SORBS2: variants seen among roughly 807,000 people sequenced by gnomAD.
SORBS2 encodes the protein sorbin and SH3 domain containing 2, also known as sorbin and SH3 domain-containing protein 2.
In SORBS2, 46 loss-of-function variants were observed where a neutral mutation model predicts 97.7. That is an observed-to-expected ratio of 0.47 (90% CI 0.37 to 0.60). The LOEUF (loss-of-function observed/expected upper bound fraction) is 0.60. Ranked by LOEUF, SORBS2 falls within the 20% of genes least tolerant of loss-of-function variation. The pLI is 0.00. For missense variants in SORBS2, 1,316 were observed against 1,282.3 expected, an observed-to-expected ratio of 1.03 and a Z score of -0.40; for synonymous variants, 476 against 473.4, an observed-to-expected ratio of 1.01 and a Z score of -0.07.
At chr4:185,688,980 A>G (rs1268391410) in intron 2 of SORBS2, among the ~76,000 whole-genome samples, 1 of 152,168 alleles carries the variant, frequency 6.6e-6, no homozygotes, top group East Asian at 1.9e-4. Context: ...TAGAAATGAG[A>G]AGATGCTTTA....
At chr4:185,879,112 G>T (rs1048059457) in intron 1 of SORBS2, among the ~76,000 whole-genome samples, 1 of 148,068 alleles carries the variant, frequency 6.8e-6, no homozygotes, top group Non-Finnish European at 1.5e-5. Context: ...ATGTTGGTGT[G>T]CTGCACCCAT....
intron 1 of SORBS2, among the ~76,000 whole-genome samples, chr4:185,936,102 G>T (rs1256897766): frequency 6.6e-6 from 1 of 152,192 alleles, no homozygotes; most frequent in African/African-American, 2.4e-5. Flanking sequence ...CAAGTGATTA[G>T]CCCGACTCGG....
chr4:185,745,570 T>A (rs933050966), intron 2 of SORBS2, among the ~76,000 whole-genome samples: 4 of 152,170 alleles, frequency 2.6e-5, no homozygotes, highest in African/African-American at 7.2e-5. Context: ...TGGCGACCTA[T>A]TACAAATTTC....
exon 15 of SORBS2, chr4:185,585,918 G>T (rs1207322957): frequency 6.6e-6 from 1 of 152,172 alleles, no homozygotes; most frequent in Admixed American, 6.5e-5. Flanking sequence ...TGGCTTCTAC[G>T]ATCTTTTAAC....
exon 6 of SORBS2, chr4:185,626,857 A>G (rs1802262): frequency 1.9e-6 from 3 of 1,614,050 alleles, no homozygotes; most frequent in Non-Finnish European, 2.5e-6. Context: ...GGGAAGAAGG[A>G]GAAGAGCTAG....
chr4:185,588,644 C>T (rs1580354060), intron 14 of SORBS2, among the ~76,000 whole-genome samples: 1 of 99,852 alleles, frequency 1.0e-5, no homozygotes, highest in Non-Finnish European at 2.2e-5. Context: ...GATGGAGTTT[C>T]GCTCTTGTCG....
intron 9 of SORBS2, among the ~76,000 whole-genome samples, chr4:185,618,374 C>T (rs985286730): frequency 3.3e-5 from 5 of 152,148 alleles, no homozygotes; most frequent in Admixed American, 6.5e-5. Context: ...TTGTGTTCTA[C>T]CTAACATGTT....
intron 9 of SORBS2, among the ~76,000 whole-genome samples, chr4:185,617,993 G>A (rs60538051): frequency 0.18 from 26,821 of 151,546 alleles, 2,518 homozygotes; most frequent in African/African-American, 0.23. Flanking sequence ...TCTTTTTTTT[G>A]AGACAGGGTC....
chr4:185,868,159 C>CTTTTTTTTTTTTTTTTTTTTTTTTTTTTT (rs112680775), intron 1 of SORBS2, among the ~76,000 whole-genome samples: 6 of 105,222 alleles, frequency 5.7e-5, no homozygotes, highest in African/African-American at 1.2e-4. Context: ...TTTTTTCTTT[C>CTTTTTTTTTTTTTTTTTTTTTTTTTTTTT]TTTTTTTTTT....
At chr4:185,826,940 A>G (rs556933541) in intron 1 of SORBS2, among the ~76,000 whole-genome samples, 113 of 152,254 alleles carry the variant, frequency 7.4e-4, no homozygotes, top group African/African-American at 2.6e-3. Flanking sequence ...CTTGTGAGAT[A>G]AAGGACAATG....
intron 12 of SORBS2, among the ~76,000 whole-genome samples, chr4:185,608,297 C>T (rs1254554716): frequency 1.3e-5 from 2 of 152,134 alleles, no homozygotes; most frequent in Admixed American, 1.3e-4. Context: ...AACTATGTCT[C>T]AAAGACAGGA....
At chr4:185,780,595 C>G (rs1472981183) in intron 1 of SORBS2, among the ~76,000 whole-genome samples, 2 of 152,238 alleles carry the variant, frequency 1.3e-5, no homozygotes, top group African/African-American at 4.8e-5. Context: ...AACTGCCTTA[C>G]TGACTCTTAA....
intron 1 of SORBS2, among the ~76,000 whole-genome samples, chr4:185,929,435 C>CA (rs2099265338): frequency 6.6e-6 from 1 of 152,096 alleles, no homozygotes; most frequent in African/African-American, 2.4e-5. Flanking sequence ...GAGTTTAAAG[C>CA]AGAGTACAAG....
chr4:185,756,593 T>A (rs760788633), intron 2 of SORBS2, among the ~76,000 whole-genome samples: 1 of 152,310 alleles, frequency 6.6e-6, no homozygotes, highest in Non-Finnish European at 1.5e-5. Flanking sequence ...TCTGTACATA[T>A]GCTTACAGGT....
At chr4:185,595,799 A>G (rs936676547) in intron 12 of SORBS2, among the ~76,000 whole-genome samples, 3 of 151,204 alleles carry the variant, frequency 2.0e-5, no homozygotes, top group Non-Finnish European at 4.4e-5. Context: ...CAGCAATGCT[A>G]TACACATTTT....
chr4:185,844,349 G>A (rs1031519068), intron 1 of SORBS2, among the ~76,000 whole-genome samples: 12 of 152,134 alleles, frequency 7.9e-5, no homozygotes, highest in African/African-American at 1.7e-4. Context: ...GCAGACACAC[G>A]AAAAGATGCC....
intron 1 of SORBS2, among the ~76,000 whole-genome samples, chr4:185,867,480 T>G (rs1164490402): frequency 6.6e-6 from 1 of 152,236 alleles, no homozygotes; most frequent in Non-Finnish European, 1.5e-5. Context: ...CTGTCATGTC[T>G]GCAAGATCTA....
intron 3 of SORBS2, among the ~76,000 whole-genome samples, chr4:185,648,681 T>A (rs2097258043): frequency 6.6e-6 from 1 of 152,146 alleles, no homozygotes; most frequent in South Asian, 2.1e-4. Context: ...AGGCCTTGGG[T>A]TTAATCAGAG....
At chr4:185,763,137 C>T (rs933304157) in intron 2 of SORBS2, among the ~76,000 whole-genome samples, 10 of 152,158 alleles carry the variant, frequency 6.6e-5, no homozygotes, top group East Asian at 5.8e-4. Flanking sequence ...TGCAGTGAGC[C>T]GAGATTGCGC....
Sources: allele counts gnomAD v4.1 joint callset (sites outside exome capture counted in the v4.1 genomes callset), GRCh38; gene constraint gnomAD v4.1.1; transcripts MANE v1.5; gene names NCBI Gene and HGNC (gene_info 2026-07-23, HGNC 2026-07-21).